GPC5: variants seen among roughly 807,000 people sequenced by gnomAD.
GPC5 encodes glypican-5.
GPC5 carries 47 observed loss-of-function variants against 53.9 expected under a neutral mutation model. That is an observed-to-expected ratio of 0.87 (90% CI 0.69 to 1.11). The LOEUF is 1.11. Among genes scored for constraint, GPC5 ranks in the 50% most tolerant of loss-of-function variants. The pLI is 0.00. For synonymous variants in GPC5, 286 were observed against 263.3 expected (o/e 1.09, Z -0.84); for missense variants, 748 against 713.1 (o/e 1.05, Z -0.56).
chr13:92,515,624 C>G lies in GPC5; in HGVS notation c.1562-350658C>G, dbSNP rs375818695. On this transcript the variant is annotated intron_variant, in intron 7 of 7. Transcript: ENST00000377067. ...ATAATATGAATATAAATTTCTAAAGCAGATAAAAGGACTAATTTATTTAAA... is the reference window on the plus strand; with the variant it reads ...ATAATATGAATATAAATTTCTAAAGGAGATAAAAGGACTAATTTATTTAAA... Among the ~76,000 whole-genome samples the G allele has an allele frequency of 1.5e-4, 23 of 152,076 alleles. No individual in the cohort carries two copies. The East Asian group carries it at 3.7e-3, about 24-fold the overall frequency.
intron 5 of GPC5, among the ~76,000 whole-genome samples, chr13:91,787,777 T>C (rs1177045438): frequency 1.3e-5 from 2 of 152,132 alleles, no homozygotes; most frequent in East Asian, 1.9e-4. Context: ...AAGGTAGAGA[T>C]GCAATTTTTC....
At chr13:92,138,027 CTA>C (rs1215902131) in intron 6 of GPC5, among the ~76,000 whole-genome samples, 2 of 151,988 alleles carry the variant, frequency 1.3e-5, no homozygotes, top group African/African-American at 4.8e-5. Flanking sequence ...AGTAGGGAGT[CTA>C]TGGGAACTCT....
intron 7 of GPC5, among the ~76,000 whole-genome samples, chr13:92,518,982 G>T (rs1264478461): frequency 6.6e-6 from 1 of 152,088 alleles, no homozygotes; most frequent in African/African-American, 2.4e-5. Context: ...TGCAATCCTA[G>T]TCTCTGATAA....
At chr13:92,082,606 A>G (rs2041305283) in intron 6 of GPC5, among the ~76,000 whole-genome samples, 1 of 152,204 alleles carries the variant, frequency 6.6e-6, no homozygotes, top group African/African-American at 2.4e-5. Context: ...ATTGCTCACA[A>G]TTTTAATGCC....
intron 7 of GPC5, among the ~76,000 whole-genome samples, chr13:92,166,449 C>T (rs1466551598): frequency 1.3e-5 from 2 of 152,124 alleles, no homozygotes; most frequent in Non-Finnish European, 2.9e-5. Context: ...ATGGTTGTTA[C>T]TTTGAAAGTA....
chr13:91,465,821 A>G (rs1882200722), intron 2 of GPC5, among the ~76,000 whole-genome samples: 1 of 152,150 alleles, frequency 6.6e-6, no homozygotes, highest in African/African-American at 2.4e-5. Context: ...TACCCAATTT[A>G]AATGCTGCAA....
chr13:91,815,522 T>G (rs1255800410), intron 5 of GPC5, among the ~76,000 whole-genome samples: 1 of 152,222 alleles, frequency 6.6e-6, no homozygotes, highest in Non-Finnish European at 1.5e-5. Flanking sequence ...GACGCTGTGA[T>G]AGTCAGTGTG....
intron 1 of GPC5, among the ~76,000 whole-genome samples, chr13:91,429,139 C>G (rs779542385): frequency 6.6e-6 from 1 of 152,162 alleles, no homozygotes; most frequent in Non-Finnish European, 1.5e-5. Flanking sequence ...AGGCTGGTCT[C>G]AAACTTCTGG....
intron 6 of GPC5, among the ~76,000 whole-genome samples, chr13:92,016,226 T>C (rs2040705790): frequency 6.6e-6 from 1 of 152,228 alleles, no homozygotes; most frequent in Admixed American, 6.5e-5. Flanking sequence ...GAAAAAGAAT[T>C]TATAATGAAA....
intron 2 of GPC5, among the ~76,000 whole-genome samples, chr13:91,596,065 A>G (rs1318921038): frequency 2.0e-5 from 3 of 152,188 alleles, no homozygotes; most frequent in Non-Finnish European, 4.4e-5. Flanking sequence ...TGATTGCTAT[A>G]CCTTCGTGAT....
chr13:92,551,179 G>A (rs1882298463), intron 7 of GPC5, among the ~76,000 whole-genome samples: 1 of 151,458 alleles, frequency 6.6e-6, no homozygotes, highest in African/African-American at 2.4e-5. Context: ...AAAGATTGCA[G>A]AATTGAAGCA....
At chr13:92,619,469 G>T (rs555831219) in intron 7 of GPC5, among the ~76,000 whole-genome samples, 2 of 151,996 alleles carry the variant, frequency 1.3e-5, no homozygotes, top group South Asian at 4.1e-4. Flanking sequence ...TCGCATATAC[G>T]TCTTTAAAAT....
chr13:91,503,739 C>T (rs555770523), intron 2 of GPC5, among the ~76,000 whole-genome samples: 5 of 149,710 alleles, frequency 3.3e-5, no homozygotes, highest in Non-Finnish European at 5.9e-5. Context: ...AAGATCATAC[C>T]ATTGCACTCC....
chr13:92,262,970 CT>C (rs2042777047), intron 7 of GPC5, among the ~76,000 whole-genome samples: 1 of 152,084 alleles, frequency 6.6e-6, no homozygotes, highest in Non-Finnish European at 1.5e-5. Context: ...TTTCCATACT[CT>C]TTAGCTATTA....
intron 1 of GPC5, among the ~76,000 whole-genome samples, chr13:91,422,014 GA>G (rs1337921292): frequency 6.6e-6 from 1 of 152,182 alleles, no homozygotes; most frequent in East Asian, 1.9e-4. Flanking sequence ...ATGGAGCCTT[GA>G]AACGTCCAGC....
chr13:92,525,176 G>A (rs1298891736), intron 7 of GPC5, among the ~76,000 whole-genome samples: 1 of 152,002 alleles, frequency 6.6e-6, no homozygotes, highest in South Asian at 2.1e-4. Context: ...TCATCTCACA[G>A]TGGATGATTT....
intron 5 of GPC5, among the ~76,000 whole-genome samples, chr13:91,886,773 A>C (rs2039327183): frequency 6.6e-6 from 1 of 152,260 alleles, no homozygotes; most frequent in African/African-American, 2.4e-5. Context: ...TATGTCTTAC[A>C]TGCAAGTCAC....
At chr13:91,931,451 T>A (rs574260141) in intron 6 of GPC5, among the ~76,000 whole-genome samples, 1 of 152,028 alleles carries the variant, frequency 6.6e-6, no homozygotes, top group Non-Finnish European at 1.5e-5. Flanking sequence ...CTGCTTAACA[T>A]TTTTCATCAG....
chr13:92,627,305 C>G (rs1226266979), intron 7 of GPC5, among the ~76,000 whole-genome samples: 2 of 152,166 alleles, frequency 1.3e-5, no homozygotes, highest in Non-Finnish European at 2.9e-5. Flanking sequence ...CATTATTTAT[C>G]ATTTCTGCAA....
Sources: gnomAD v4.1 joint callset for allele counts (sites outside exome capture counted in the v4.1 genomes callset) on GRCh38, gnomAD v4.1.1 for gene constraint, MANE v1.5 for transcripts, NCBI Gene and HGNC (gene_info 2026-07-23, HGNC 2026-07-21) for gene names.